Variants in TMEM117 observed in about 807,000 individuals in gnomAD.
The protein encoded by TMEM117 is transmembrane protein 117.
Under a neutral mutation model 52.4 loss-of-function variants are expected in TMEM117, and 27 were observed. The observed-to-expected ratio is 0.51, with a 90% CI of 0.38 to 0.71. TMEM117 has a LOEUF of 0.71. TMEM117 is among the 30% of genes least tolerant of loss of function. The pLI, the probability that TMEM117 is intolerant of heterozygous loss-of-function variation, is 0.00. For missense variants in TMEM117, 556 were observed against 630.5 expected, an observed-to-expected ratio of 0.88 and a Z score of 1.26; for synonymous variants, 215 against 206.3, an observed-to-expected ratio of 1.04 and a Z score of -0.36.
intron 5 of TMEM117, among the ~76,000 whole-genome samples, chr12:44,293,969 A>G (rs1950736796): frequency 6.6e-6 from 1 of 152,164 alleles, no homozygotes; most frequent in African/African-American, 2.4e-5. Context: ...TACCTTCAGC[A>G]TTCTTTTAAA....
At chr12:44,244,070 A>G (rs1390303303) in intron 5 of TMEM117, among the ~76,000 whole-genome samples, 3 of 152,036 alleles carry the variant, frequency 2.0e-5, no homozygotes, top group Non-Finnish European at 4.4e-5. Context: ...ATTGTGAATA[A>G]TGCTACAGTA....
chr12:43,842,513 T>C (rs1452253772), intron 1 of TMEM117, among the ~76,000 whole-genome samples: 1 of 152,178 alleles, frequency 6.6e-6, no homozygotes, highest in African/African-American at 2.4e-5. Context: ...AAGTCCTCAT[T>C]AACTAAGATT....
chr12:44,197,458 G>T (rs1384716690), intron 4 of TMEM117, among the ~76,000 whole-genome samples: 1 of 151,924 alleles, frequency 6.6e-6, no homozygotes, highest in Non-Finnish European at 1.5e-5. Flanking sequence ...ATATAATATT[G>T]GGCTAATATA....
chr12:44,236,199 G>C (rs1376578276), intron 5 of TMEM117, among the ~76,000 whole-genome samples: 6 of 152,026 alleles, frequency 3.9e-5, no homozygotes, highest in African/African-American at 1.4e-4. Context: ...GAGAGAGAGA[G>C]AGAGAGAGCG....
intron 2 of TMEM117, among the ~76,000 whole-genome samples, chr12:43,903,827 C>T (rs562318210): frequency 6.6e-6 from 1 of 152,136 alleles, no homozygotes; most frequent in East Asian, 1.9e-4. Flanking sequence ...GAACAAGAAT[C>T]CTCTCCTTTC....
intron 2 of TMEM117, among the ~76,000 whole-genome samples, chr12:43,845,483 A>AG (rs1943189162): frequency 6.7e-6 from 1 of 149,934 alleles, no homozygotes; most frequent in South Asian, 2.1e-4. Context: ...AAAAAAAAAA[A>AG]GAGCATTAGA....
At chr12:44,267,748 G>A (rs1950396634) in intron 5 of TMEM117, among the ~76,000 whole-genome samples, 1 of 151,976 alleles carries the variant, frequency 6.6e-6, no homozygotes, top group Admixed American at 6.6e-5. Context: ...TCTTATAATT[G>A]GTATCATGTA....
At chr12:44,059,010 C>A (rs1947098992) in intron 3 of TMEM117, among the ~76,000 whole-genome samples, 1 of 152,166 alleles carries the variant, frequency 6.6e-6, no homozygotes, top group Non-Finnish European at 1.5e-5. Context: ...CACCTTAGAT[C>A]ATCAGGCATT....
At chr12:43,965,657 T>C (rs905567206) in intron 3 of TMEM117, among the ~76,000 whole-genome samples, 3 of 152,238 alleles carry the variant, frequency 2.0e-5, no homozygotes, top group African/African-American at 4.8e-5. Context: ...GAGCCTTTTT[T>C]TGCTTTCATT....
intron 3 of TMEM117, among the ~76,000 whole-genome samples, chr12:44,099,615 C>G (rs1329777568): frequency 6.6e-6 from 1 of 151,910 alleles, no homozygotes; most frequent in African/African-American, 2.4e-5. Context: ...AGTGATAAAA[C>G]TAGAGATAGT....
rs145562315 is a variant in TMEM117, at chr12:44,376,479, A to G, written c.769-116A>G. ...ACAGAATGAAACTGATATATCCAAC[A>G]GCTGGCTGCATTTAAATGATTTTAA... On this transcript the variant is annotated intron_variant, in intron 6 of 7. Coordinates refer to ENST00000266534, the MANE Select transcript of TMEM117 (RefSeq NM_032256.3). The G allele has an allele frequency of 1.7e-5, 21 of 1,229,320 alleles. No homozygotes were observed. In the African/African-American group the frequency reaches 2.0e-4, roughly 11 times the overall value. The allele number at this position is 1,229,320 out of a possible 1,614,324, so 76.2% of individuals were successfully genotyped here.
At chr12:43,818,263 G>C in the TMEM117 span, among the ~76,000 whole-genome samples, 15 of 152,064 alleles carry the variant, frequency 9.9e-5, no homozygotes, top group Non-Finnish European at 1.8e-4. Flanking sequence ...AGAATAGAAA[G>C]TACATATAAG....
intron 3 of TMEM117, among the ~76,000 whole-genome samples, chr12:44,031,222 A>G (rs778608963): frequency 3.3e-5 from 5 of 152,196 alleles, no homozygotes; most frequent in Non-Finnish European, 5.9e-5. Context: ...TGAAAATTAT[A>G]GGAAACTCCT....
At chr12:44,395,758 A>G in the TMEM117 span, among the ~76,000 whole-genome samples, 1 of 152,206 alleles carries the variant, frequency 6.6e-6, no homozygotes, top group Non-Finnish European at 1.5e-5. Context: ...AGAGCAGGTG[A>G]GGAAGATGCT....
intron 3 of TMEM117, among the ~76,000 whole-genome samples, chr12:44,029,020 TAGAC>T (rs1946589481): frequency 6.6e-6 from 1 of 152,150 alleles, no homozygotes; most frequent in African/African-American, 2.4e-5. Context: ...CCAAAGGAAA[TAGAC>T]AGCACTGATT....
intron 7 of TMEM117, among the ~76,000 whole-genome samples, chr12:44,377,797 G>T (rs961253086): frequency 5.9e-5 from 9 of 152,206 alleles, no homozygotes; most frequent in African/African-American, 1.7e-4. Flanking sequence ...AATAGTCTGA[G>T]CCCAGAAAAC....
chr12:44,220,596 C>CT (rs1360549992), intron 5 of TMEM117, among the ~76,000 whole-genome samples: 4 of 152,092 alleles, frequency 2.6e-5, no homozygotes, highest in Non-Finnish European at 5.9e-5. Flanking sequence ...AGCACACCCC[C>CT]TACCCAGATC....
At chr12:43,881,878 C>G (rs965922397) in intron 2 of TMEM117, among the ~76,000 whole-genome samples, 1 of 150,590 alleles carries the variant, frequency 6.6e-6, no homozygotes, top group African/African-American at 2.4e-5. Context: ...GCAGACCATC[C>G]TGGCTAACAC....
chr12:44,211,602 A>G (rs1949646331), intron 5 of TMEM117, among the ~76,000 whole-genome samples: 1 of 152,170 alleles, frequency 6.6e-6, no homozygotes, highest in Admixed American at 6.6e-5. Flanking sequence ...AGTTTTGCTA[A>G]TATAGTGATA....
Sources: gnomAD v4.1 joint callset for allele counts (sites outside exome capture counted in the v4.1 genomes callset) on GRCh38, gnomAD v4.1.1 for gene constraint, MANE v1.5 for transcripts, NCBI Gene and HGNC (gene_info 2026-07-23, HGNC 2026-07-21) for gene names.